ZNF385D: variants seen among roughly 807,000 people sequenced by gnomAD.
ZNF385D encodes the protein zinc finger protein 659.
Under a neutral mutation model 35.8 loss-of-function variants are expected in ZNF385D, and 15 were observed. That is an observed-to-expected ratio of 0.42 (90% confidence interval 0.28 to 0.64). The LOEUF is 0.64. Among genes scored for constraint, ZNF385D ranks in the 30% least tolerant of loss-of-function variants. ZNF385D has a pLI of 0.23. For synonymous variants in ZNF385D, 212 were observed against 186.8 expected, an observed-to-expected ratio of 1.13 and a Z score of -1.10; for missense variants, 474 against 494.6, an observed-to-expected ratio of 0.96 and a Z score of 0.39.
intron 3 of ZNF385D, among the ~76,000 whole-genome samples, chr3:21,945,499 T>C (rs778122712): frequency 6.6e-5 from 10 of 152,176 alleles, no homozygotes; most frequent in Admixed American, 1.3e-4. Context: ...TCAATTTCTG[T>C]AAAACAAAAA....
At chr3:21,989,132 G>C (rs564231831) in intron 3 of ZNF385D, among the ~76,000 whole-genome samples, 1 of 152,122 alleles carries the variant, frequency 6.6e-6, no homozygotes, top group Non-Finnish European at 1.5e-5. Context: ...CTCACGCTGG[G>C]AGCTGTAGAC....
intron 2 of ZNF385D, among the ~76,000 whole-genome samples, chr3:22,262,661 T>C (rs1700695208): frequency 1.3e-5 from 2 of 151,864 alleles, no homozygotes; most frequent in South Asian, 4.2e-4. Context: ...TTAGCAAAAA[T>C]ATTGGTTCAC....
At chr3:21,572,184 C>G (rs1404318337) in intron 2 of ZNF385D, among the ~76,000 whole-genome samples, 1 of 152,150 alleles carries the variant, frequency 6.6e-6, no homozygotes, top group Non-Finnish European at 1.5e-5. Flanking sequence ...ATACTACTAT[C>G]ACTTGGGAAA....
intron 3 of ZNF385D, among the ~76,000 whole-genome samples, chr3:21,888,936 C>T (rs921645911): frequency 1.3e-5 from 2 of 152,176 alleles, no homozygotes; most frequent in Non-Finnish European, 2.9e-5. Context: ...AGAAAAATTA[C>T]TTTACTCCTC....
At chr3:21,876,842 TA>T (rs1168980976) in intron 3 of ZNF385D, among the ~76,000 whole-genome samples, 1 of 152,102 alleles carries the variant, frequency 6.6e-6, no homozygotes, top group Non-Finnish European at 1.5e-5. Context: ...AGCTTCTGTC[TA>T]AATGTTCTTT....
At chr3:22,102,426 G>A (rs1260803080) in intron 3 of ZNF385D, among the ~76,000 whole-genome samples, 1 of 152,016 alleles carries the variant, frequency 6.6e-6, no homozygotes, top group Non-Finnish European at 1.5e-5. Context: ...TGAGACAAGA[G>A]TCCTTGCACC....
At chr3:22,113,103 G>A (rs958451231) in intron 3 of ZNF385D, among the ~76,000 whole-genome samples, 3 of 152,072 alleles carry the variant, frequency 2.0e-5, no homozygotes, top group Non-Finnish European at 4.4e-5. Context: ...ACAATGAGCT[G>A]TAAGAAGCTG....
chr3:21,877,748 A>C (rs1698058573), intron 3 of ZNF385D: 1 of 152,088 alleles, frequency 6.6e-6, no homozygotes, highest in Admixed American at 6.6e-5. Flanking sequence ...GAACCTAAGA[A>C]AATTAACTCC....
Position 22,261,661 on chromosome 3 carries a change from A to T in ZNF385D, c.107-92626T>A, listed in dbSNP as rs566895820. Among the ~76,000 whole-genome samples, 44 of 151,994 alleles carry T rather than the reference A, an allele frequency of 2.9e-4. 1 individual carries two copies. The highest frequency in any genetic ancestry group is 1.0e-3 in the African/African-American group (43 of 41,508). On this transcript the variant is annotated intron_variant, in intron 2 of 5. Coordinates refer to the ZNF385D transcript ENST00000494108. ...AATGGAGCTAGGGTATGGGGGTGGC[A>T]TTAGCAGAGACCTGAAGGTGGGGGG...
chr3:22,305,374 G>A (rs1412330670), intron 2 of ZNF385D, among the ~76,000 whole-genome samples: 1 of 152,052 alleles, frequency 6.6e-6, no homozygotes, highest in East Asian at 1.9e-4. Flanking sequence ...AGACTTAATA[G>A]TTCTTGGGAT....
rs368888511 is a variant in ZNF385D at position 21,498,556 on chromosome 3, C to T, written c.439+12305G>A. 1.2e-4 allele frequency among the ~76,000 whole-genome samples: 17 copies of T among 146,936 alleles called. No individual in the cohort carries two copies. The South Asian group carries it at 3.7e-3, about 32-fold the overall frequency. On this transcript the variant is annotated intron_variant, in intron 4 of 7. Coordinates refer to ENST00000281523, the MANE Select transcript of ZNF385D (RefSeq NM_024697.3). ...TTAAGAAATGGACAAAGAACATGAA[C>T]AATTTTCAAAAGAAGACATACACAT...
chr3:22,325,984 C>T (rs1694659471), intron 2 of ZNF385D, among the ~76,000 whole-genome samples: 1 of 152,040 alleles, frequency 6.6e-6, no homozygotes, highest in African/African-American at 2.4e-5. Flanking sequence ...AGCAGGTGCA[C>T]CATCTTCCCT....
intron 2 of ZNF385D, among the ~76,000 whole-genome samples, chr3:21,653,836 T>C (rs1163781980): frequency 1.3e-5 from 2 of 152,048 alleles, no homozygotes; most frequent in East Asian, 1.9e-4. Context: ...ATAAATTCTA[T>C]ATATGTTAGA....
At chr3:21,599,144 C>T (rs1268760349) in intron 2 of ZNF385D, among the ~76,000 whole-genome samples, 6 of 152,184 alleles carry the variant, frequency 3.9e-5, no homozygotes, top group African/African-American at 9.7e-5. Flanking sequence ...TGCAGACTAA[C>T]TTTGTTACAG....
intron 3 of ZNF385D, among the ~76,000 whole-genome samples, chr3:21,999,249 GACAA>G (rs1199856328): frequency 1.3e-5 from 2 of 151,974 alleles, no homozygotes; most frequent in Admixed American, 6.6e-5. Context: ...GGTTTTCACT[GACAA>G]ACATATTCTA....
intron 3 of ZNF385D, among the ~76,000 whole-genome samples, chr3:22,056,516 T>G (rs978685661): frequency 2.0e-5 from 3 of 152,062 alleles, no homozygotes; most frequent in Non-Finnish European, 2.9e-5. Context: ...CGTTATAGGG[T>G]GTACATCTTC....
intron 2 of ZNF385D, among the ~76,000 whole-genome samples, chr3:21,612,814 C>G (rs2125792915): frequency 6.6e-6 from 1 of 152,132 alleles, no homozygotes; most frequent in South Asian, 2.1e-4. Flanking sequence ...CTTACCTTTG[C>G]TCTTTTTTTT....
intron 2 of ZNF385D, among the ~76,000 whole-genome samples, chr3:22,202,734 C>G (rs922003350): frequency 6.6e-6 from 1 of 152,108 alleles, no homozygotes. Flanking sequence ...GACAGAGAAT[C>G]TGTGAGCTTG....
intron 2 of ZNF385D, among the ~76,000 whole-genome samples, chr3:22,226,092 G>T (rs978541587): frequency 6.6e-6 from 1 of 151,112 alleles, no homozygotes; most frequent in Non-Finnish European, 1.5e-5. Context: ...ATGTGGAAAA[G>T]AATCTTCTCT....
Sources: gnomAD v4.1 joint callset for allele counts (sites outside exome capture counted in the v4.1 genomes callset) on GRCh38, gnomAD v4.1.1 for gene constraint, MANE v1.5 for transcripts, NCBI Gene and HGNC (gene_info 2026-07-23, HGNC 2026-07-21) for gene names.